The following SLC24A2 variants were observed in gnomAD, a reference collection of about 807,000 sequenced individuals.
SLC24A2 encodes solute carrier family 24 member 2, also known as sodium/potassium/calcium exchanger 2.
SLC24A2 carries 36 observed loss-of-function variants against 62.0 expected under a neutral mutation model. The observed-to-expected ratio is 0.58, with a 90% CI of 0.44 to 0.77. The LOEUF (loss-of-function observed/expected upper bound fraction) is 0.77, where lower values mean the gene tolerates loss of function less well. Ranked by LOEUF, SLC24A2 falls within the 30% of genes least tolerant of loss-of-function variation. The probability of loss-of-function intolerance (pLI) is 0.00; values close to 1 mark genes in which losing one functional copy is unlikely to be tolerated. For missense variants in SLC24A2, 846 were observed against 817.9 expected, an observed-to-expected ratio of 1.03 and a Z score of -0.42; for synonymous variants, 358 against 294.0, an observed-to-expected ratio of 1.22 and a Z score of -2.23.
At chr9:19,919,349 A>G in the SLC24A2 span, among the ~76,000 whole-genome samples, 1 of 152,136 alleles carries the variant, frequency 6.6e-6, no homozygotes, top group Non-Finnish European at 1.5e-5. Flanking sequence ...GGTGATGGCA[A>G]TGTACCAGTT....
chr9:19,788,751 G>A (rs1823254685), intron 1 of SLC24A2, 134 bp downstream of exon 1: 1 of 985,430 alleles, frequency 1.0e-6, no homozygotes, highest in Non-Finnish European at 1.2e-6. Flanking sequence ...TCCTAGCGGG[G>A]CCTGGGGCGC....
the SLC24A2 span, among the ~76,000 whole-genome samples, chr9:20,252,228 G>T: frequency 1.3e-5 from 2 of 152,092 alleles, no homozygotes; most frequent in Admixed American, 6.6e-5. Flanking sequence ...CCATCCAAAG[G>T]GTATGTCTGG....
intron 4 of SLC24A2, among the ~76,000 whole-genome samples, chr9:19,603,976 T>C (rs1836916687): frequency 6.6e-6 from 1 of 152,252 alleles, no homozygotes; most frequent in Non-Finnish European, 1.5e-5. Flanking sequence ...GTTGTGCTCA[T>C]CTTATCAAAT....
At chr9:19,881,550 A>G in the SLC24A2 span, among the ~76,000 whole-genome samples, 1 of 152,188 alleles carries the variant, frequency 6.6e-6, no homozygotes, top group African/African-American at 2.4e-5. Flanking sequence ...TATTTTGGTA[A>G]GGAACCCCCA....
At chr9:20,105,651 G>A in the SLC24A2 span, among the ~76,000 whole-genome samples, 2 of 151,898 alleles carry the variant, frequency 1.3e-5, no homozygotes, top group African/African-American at 2.4e-5. Context: ...TGAAACCAAT[G>A]AGAACAAAGA....
At chr9:20,008,287 G>A in the SLC24A2 span, among the ~76,000 whole-genome samples, 61 of 151,968 alleles carry the variant, frequency 4.0e-4, no homozygotes, top group Non-Finnish European at 7.6e-4. Flanking sequence ...AAGAGGAGCT[G>A]GGAGGGGAAC....
At chr9:20,210,508 C>T in the SLC24A2 span, among the ~76,000 whole-genome samples, 1 of 151,548 alleles carries the variant, frequency 6.6e-6, no homozygotes. Flanking sequence ...AGATCTCGCT[C>T]TGTCGCCCAG....
chr9:20,017,616 C>T, the SLC24A2 span, among the ~76,000 whole-genome samples: 1 of 152,062 alleles, frequency 6.6e-6, no homozygotes, highest in African/African-American at 2.4e-5. Context: ...CAGTGCGAGC[C>T]CCAAAACCTC....
the SLC24A2 span, among the ~76,000 whole-genome samples, chr9:19,883,201 G>A: frequency 1.3e-5 from 2 of 152,142 alleles, no homozygotes; most frequent in Non-Finnish European, 2.9e-5. Context: ...CCAGGCAAAT[G>A]TCTCTATTTC....
chr9:19,572,451 T>C (rs1481554527), intron 7 of SLC24A2, among the ~76,000 whole-genome samples: 4 of 151,996 alleles, frequency 2.6e-5, no homozygotes, highest in Non-Finnish European at 5.9e-5. Context: ...AGATTTCCCC[T>C]TTGCTATTCT....
At chr9:19,937,139 T>C in the SLC24A2 span, among the ~76,000 whole-genome samples, 1 of 152,166 alleles carries the variant, frequency 6.6e-6, no homozygotes, top group Non-Finnish European at 1.5e-5. Flanking sequence ...GGCCACACAT[T>C]TGGCTCTGAG....
the SLC24A2 span, among the ~76,000 whole-genome samples, chr9:19,988,183 CCTTAGT>C: frequency 6.6e-6 from 1 of 152,132 alleles, no homozygotes; most frequent in African/African-American, 2.4e-5. Flanking sequence ...TTTGGCTCCT[CCTTAGT>C]CTTCCCAGAC....
At chr9:19,803,494 C>T in the SLC24A2 span, among the ~76,000 whole-genome samples, 129,166 of 152,174 alleles carry the variant, frequency 0.85, 55,870 homozygotes, top group Non-Finnish European at 0.94. Context: ...ACCAGTGTAA[C>T]GTTAGGGAGA....
rs180909126 is a variant in SLC24A2, at chr9:19,522,664, T to G, written c.1570-1604A>C. 1.7e-4 allele frequency among the ~76,000 whole-genome samples: 26 copies of G among 152,316 alleles called. No homozygotes were observed. The South Asian group carries it at 4.6e-3, about 27-fold the overall frequency. On this transcript the variant is annotated intron_variant, in intron 9 of 10. Transcript: ENST00000341998. ...CTGCTCCCCATTAGTAAGTTCCATG[T>G]ATGCAGGATCCTCACCTTGGTCACC...
chr9:20,217,765 T>C, the SLC24A2 span, among the ~76,000 whole-genome samples: 1 of 152,230 alleles, frequency 6.6e-6, no homozygotes, highest in African/African-American at 2.4e-5. Flanking sequence ...TTTCAAATTA[T>C]TGTACCCATG....
In SLC24A2 at chr9:19,636,319, C is replaced by CTTTTCTT. The variant is rs1554690372; in HGVS notation, c.931-14021_931-14020insAAGAAAA. 2.3e-4 allele frequency among the ~76,000 whole-genome samples: 10 copies of CTTTTCTT among 43,486 alleles called. 1 individual carries two copies. The East Asian group carries it at 3.0e-3, about 13-fold the overall frequency. 28.5% of individuals were successfully genotyped at this position (43,486 alleles called of 152,430 possible). The stretch of plus-strand genomic sequence containing the variant: ...CTTTTCTTTTCTTTTCTTTTCTTTT[C>CTTTTCTT]TTTCTTTCTTTCTTTCTTTCTTTCT... On this transcript the variant is annotated intron_variant, in intron 2 of 10. Coordinates refer to ENST00000341998, the MANE Select transcript of SLC24A2 (RefSeq NM_020344.4).
intron 2 of SLC24A2, among the ~76,000 whole-genome samples, chr9:19,707,429 C>T (rs1230613157): frequency 2.0e-5 from 3 of 152,126 alleles, no homozygotes; most frequent in Non-Finnish European, 4.4e-5. Context: ...ATCCTGATAC[C>T]AAAGCCTGGC....
chr9:19,916,981 G>GTTTTTTTTTTTT, the SLC24A2 span, among the ~76,000 whole-genome samples: 7 of 72,022 alleles, frequency 9.7e-5, no homozygotes, highest in Non-Finnish European at 1.0e-4. Flanking sequence ...TAACTTACCT[G>GTTTTTTTTTTTT]TTTTTTTTTT....
chr9:20,159,157 C>T, the SLC24A2 span, among the ~76,000 whole-genome samples: 15 of 151,710 alleles, frequency 9.9e-5, no homozygotes, highest in African/African-American at 3.1e-4. Flanking sequence ...CAAGAATCGA[C>T]TATATAAAAA....
Sources: gnomAD v4.1 joint callset for allele counts (sites outside exome capture counted in the v4.1 genomes callset) on GRCh38, gnomAD v4.1.1 for gene constraint, MANE v1.5 for transcripts, NCBI Gene and HGNC (gene_info 2026-07-23, HGNC 2026-07-21) for gene names.